The following KANSL1L variants were observed in gnomAD, a reference collection of about 807,000 sequenced individuals.
The protein encoded by KANSL1L is KAT8 regulatory NSL complex subunit 1-like protein.
Under a neutral mutation model 108.6 loss-of-function variants are expected in KANSL1L, and 25 were observed. The observed-to-expected ratio is 0.23, with a 90% CI of 0.17 to 0.32. The LOEUF is 0.32. Ranked by LOEUF, KANSL1L falls within the 10% of genes least tolerant of loss-of-function variation. The pLI is 1.00. For missense variants in KANSL1L, 1,137 were observed against 1,125.7 expected (o/e 1.01, Z -0.14); for synonymous variants, 405 against 395.1 (o/e 1.03, Z -0.30).
At chr2:210,101,040 C>T (rs368864492) in intron 4 of KANSL1L, among the ~76,000 whole-genome samples, 8 of 152,330 alleles carry the variant, frequency 5.3e-5, no homozygotes, top group African/African-American at 1.4e-4. Context: ...AATTTATTAA[C>T]AACCTCTACA....
At chr2:210,113,351 A>C (rs1370646476) in intron 3 of KANSL1L, among the ~76,000 whole-genome samples, 1 of 152,220 alleles carries the variant, frequency 6.6e-6, no homozygotes, top group African/African-American at 2.4e-5. Flanking sequence ...GGCTCAGAAA[A>C]AATAAGATTT....
At chr2:210,165,648 T>C (rs1271213999) in intron 1 of KANSL1L, among the ~76,000 whole-genome samples, 1 of 152,202 alleles carries the variant, frequency 6.6e-6, no homozygotes, top group African/African-American at 2.4e-5. Context: ...AAAATTAAGT[T>C]AATCTGATAA....
chr2:210,132,411 A>AATGTGGGTTCCCT (rs1455899104), intron 2 of KANSL1L, among the ~76,000 whole-genome samples: 5 of 152,092 alleles, frequency 3.3e-5, no homozygotes, highest in Admixed American at 2.6e-4. Flanking sequence ...TGCTGACCAT[A>AATGTGGGTTCCCT]ATGTGGGTTC....
chr2:210,127,798 C>CAAAAAAAAAAAAAA (rs55979027), intron 3 of KANSL1L, among the ~76,000 whole-genome samples: 5 of 28,126 alleles, frequency 1.8e-4, no homozygotes, highest in African/African-American at 2.6e-4. Flanking sequence ...GACTCTGCCT[C>CAAAAAAAAAAAAAA]AAAAAAAAAA....
At chr2:210,027,428 G>GTAT in intron 11 of KANSL1L, 78 bp from the exon 12 acceptor site, 2 of 896,482 alleles carry the variant, frequency 2.2e-6, no homozygotes, top group Non-Finnish European at 3.7e-6. Flanking sequence ...ACAGCTAAAT[G>GTAT]TATTAGTGTT....
intron 9 of KANSL1L, 30 bp from the exon 10 acceptor site, chr2:210,029,948 ACAT>A: frequency 9.0e-7 from 1 of 1,106,742 alleles, no homozygotes; most frequent in Non-Finnish European, 1.4e-6. Context: ...TGAATGTTAC[ACAT>A]TAAACAAGTC....
At chr2:210,064,498 C>T (rs998400952) in intron 6 of KANSL1L, 1 of 152,074 alleles carries the variant, frequency 6.6e-6, no homozygotes, top group Admixed American at 6.6e-5. Flanking sequence ...ACCTCTACCT[C>T]TTCCATCTTA....
chr2:210,033,311 C>T (rs2094047860), intron 8 of KANSL1L, among the ~76,000 whole-genome samples: 1 of 152,188 alleles, frequency 6.6e-6, no homozygotes, highest in African/African-American at 2.4e-5. Flanking sequence ...CAGGAGTAAT[C>T]TAAACGTACT....
chr2:210,064,519 AGAAAAATTAGGCCAG>A (rs2094449045), intron 6 of KANSL1L, among the ~76,000 whole-genome samples: 1 of 152,118 alleles, frequency 6.6e-6, no homozygotes, highest in Non-Finnish European at 1.5e-5. Flanking sequence ...CTGCTCTAGT[AGAAAAATTAGGCCAG>A]GGCAGTGGCT....
At chr2:210,057,688 G>A (rs545200169) in intron 6 of KANSL1L, among the ~76,000 whole-genome samples, 13 of 152,180 alleles carry the variant, frequency 8.5e-5, no homozygotes, top group African/African-American at 1.7e-4. Context: ...GCAGAAGAAC[G>A]TGGATTGTGA....
At chr2:210,065,817 C>T (rs1456187977) in intron 6 of KANSL1L, among the ~76,000 whole-genome samples, 1 of 152,070 alleles carries the variant, frequency 6.6e-6, no homozygotes, top group Admixed American at 6.5e-5. Flanking sequence ...AACTCCTGAC[C>T]TCAGGTGATC....
intron 2 of KANSL1L, among the ~76,000 whole-genome samples, chr2:210,139,970 T>C (rs1336571635): frequency 6.6e-6 from 1 of 151,908 alleles, no homozygotes; most frequent in African/African-American, 2.4e-5. Flanking sequence ...CTCAAATTCC[T>C]GAGCTCAAGC....
rs571215975 is a variant in KANSL1L, at chr2:210,104,012, G to A, written c.1428+92C>T. The stretch of plus-strand genomic sequence containing the variant: ...GCCTAGTTTAATAACACATATGCCA[G>A]GAAGATACACATATAATGATGTTTA... On this transcript the variant is annotated intron_variant, in intron 4 of 14. Transcript: ENST00000281772. 30 of 984,412 alleles carry A rather than the reference G, an allele frequency of 3.0e-5. No homozygotes were observed. The African/African-American group carries it at 4.5e-4, about 15-fold the overall frequency. The allele number at this position is 984,412 out of a possible 1,614,324, so 61.0% of individuals were successfully genotyped here.
chr2:210,170,487 T>C (rs918832365), intron 1 of KANSL1L: 20 of 598,864 alleles, frequency 3.3e-5, no homozygotes, highest in South Asian at 1.5e-4. Flanking sequence ...CCGCCTGGTA[T>C]TTCTTGCTAC....
intron 3 of KANSL1L, among the ~76,000 whole-genome samples, chr2:210,113,739 C>G (rs2094929911): frequency 6.6e-6 from 1 of 152,006 alleles, no homozygotes; most frequent in South Asian, 2.1e-4. Flanking sequence ...GATAGAAAAC[C>G]TGAAAAGAAA....
At chr2:210,169,423 C>A (rs1199827107) in intron 1 of KANSL1L, among the ~76,000 whole-genome samples, 2 of 152,086 alleles carry the variant, frequency 1.3e-5, no homozygotes, top group Non-Finnish European at 2.9e-5. Flanking sequence ...ACCATGTGGT[C>A]TCAGTTTTAG....
chr2:210,133,974 TTCTC>T (rs767738450), intron 2 of KANSL1L, among the ~76,000 whole-genome samples: 4 of 152,240 alleles, frequency 2.6e-5, no homozygotes, highest in African/African-American at 4.8e-5. Flanking sequence ...TACTGACAAC[TTCTC>T]TCTATTTTTG....
At chr2:210,107,650 T>G (rs2094863055) in intron 3 of KANSL1L, among the ~76,000 whole-genome samples, 1 of 151,868 alleles carries the variant, frequency 6.6e-6, no homozygotes, top group South Asian at 2.1e-4. Flanking sequence ...TGCCTCAGCC[T>G]TCCGAGTAGC....
Position 210,154,499 on chromosome 2 carries a change from G to A in KANSL1L, c.84C>T (p.Leu28=). ...CTACAGTTCTGGGACTTTCCATGTA[G>A]AGCATCTTGTCAGACTCCATGGTAC... ...LPSTMESDKM[L]YMESPRTVDE... Residue 28 remains leucine (L), a synonymous_variant, in exon 2 of 15, where the codon CTC becomes CTT. Transcript: ENST00000281772. 1 of 1,609,518 alleles carries A rather than the reference G, an allele frequency of 6.2e-7. No homozygotes were observed. The highest frequency in any genetic ancestry group is 8.5e-7 in the Non-Finnish European group (1 of 1,177,748).
Sources: allele counts gnomAD v4.1 joint callset (sites outside exome capture counted in the v4.1 genomes callset), GRCh38; gene constraint gnomAD v4.1.1; transcripts MANE v1.5; gene names NCBI Gene and HGNC (gene_info 2026-07-23, HGNC 2026-07-21).